MGLL: variants seen among roughly 807,000 people sequenced by gnomAD.
MGLL encodes monoglyceride lipase, also known as lysophospholipase homolog.
In MGLL, 7 loss-of-function variants were observed where a neutral mutation model predicts 29.1. That is an observed-to-expected ratio of 0.24 (90% CI 0.14 to 0.45). The LOEUF (loss-of-function observed/expected upper bound fraction) is 0.45. Ranked by LOEUF, MGLL falls within the 20% of genes least tolerant of loss-of-function variation. The probability of loss-of-function intolerance (pLI) is 0.99; values close to 1 mark genes in which losing one functional copy is unlikely to be tolerated. For missense variants in MGLL, 356 were observed against 413.6 expected (o/e 0.86, Z 1.21); for synonymous variants, 148 against 168.3 (o/e 0.88, Z 0.93).
chr3:127,703,918 C>T (rs1282394142), intron 6 of MGLL, among the ~76,000 whole-genome samples: 1 of 152,166 alleles, frequency 6.6e-6, no homozygotes, highest in Admixed American at 6.5e-5. Flanking sequence ...AAACGATGGG[C>T]CAGACAATCC....
intron 3 of MGLL, among the ~76,000 whole-genome samples, chr3:127,766,610 T>C (rs1433650389): frequency 6.6e-6 from 1 of 152,202 alleles, no homozygotes; most frequent in Non-Finnish European, 1.5e-5. Context: ...AAAAACAGCA[T>C]CAAAGAACTC....
intron 2 of MGLL, among the ~76,000 whole-genome samples, chr3:127,819,139 G>C (rs1476064639): frequency 6.6e-6 from 1 of 152,196 alleles, no homozygotes; most frequent in Admixed American, 6.5e-5. Context: ...GACAGAATTT[G>C]CTTGCATAAA....
chr3:127,816,720 G>C (rs574998125), intron 2 of MGLL, among the ~76,000 whole-genome samples: 4 of 152,354 alleles, frequency 2.6e-5, no homozygotes, highest in South Asian at 4.1e-4. Flanking sequence ...GAGAGTGAAG[G>C]CTTCATGGAG....
intron 2 of MGLL, among the ~76,000 whole-genome samples, chr3:127,794,674 C>A (rs978585917): frequency 2.6e-5 from 4 of 152,198 alleles, no homozygotes; most frequent in African/African-American, 4.8e-5. Flanking sequence ...GTCAAACTAT[C>A]TTCCACGATG....
intron 2 of MGLL, among the ~76,000 whole-genome samples, chr3:127,785,898 A>G (rs1254720494): frequency 6.6e-6 from 1 of 152,206 alleles, no homozygotes. Flanking sequence ...AAGGGAGCCC[A>G]ACCTAGACTA....
chr3:127,752,766 C>T (rs2076583628), intron 3 of MGLL, among the ~76,000 whole-genome samples: 1 of 152,170 alleles, frequency 6.6e-6, no homozygotes, highest in Admixed American at 6.5e-5. Flanking sequence ...ACCGGCTGAG[C>T]TTCCCCAGCC....
At chr3:127,751,262 T>A (rs1478923184) in intron 3 of MGLL, among the ~76,000 whole-genome samples, 1 of 152,130 alleles carries the variant, frequency 6.6e-6, no homozygotes, top group African/African-American at 2.4e-5. Flanking sequence ...CACCTGTCCA[T>A]GCCGCTCTGC....
intron 3 of MGLL, among the ~76,000 whole-genome samples, chr3:127,760,546 G>A (rs1289890380): frequency 2.0e-5 from 3 of 152,232 alleles, no homozygotes; most frequent in African/African-American, 7.2e-5. Context: ...GGCAGGAGGC[G>A]AGGTGAGGAG....
chr3:127,755,688 C>G (rs1220076135), intron 3 of MGLL, among the ~76,000 whole-genome samples: 1 of 152,236 alleles, frequency 6.6e-6, no homozygotes, highest in East Asian at 1.9e-4. Context: ...GGCAGAGTCA[C>G]CAAATCTTCG....
intron 3 of MGLL, among the ~76,000 whole-genome samples, chr3:127,758,902 T>C (rs2076710649): frequency 6.8e-6 from 1 of 147,332 alleles, no homozygotes; most frequent in Admixed American, 7.1e-5. Flanking sequence ...TTCTTTCTTT[T>C]TCTTTTTTTT....
intron 2 of MGLL, among the ~76,000 whole-genome samples, chr3:127,804,928 C>A (rs2077539881): frequency 6.6e-6 from 1 of 152,108 alleles, no homozygotes; most frequent in Admixed American, 6.5e-5. Flanking sequence ...GTGGGAGAAG[C>A]CTTTCCTCAC....
chr3:127,701,696 G>A (rs902559307), intron 6 of MGLL, among the ~76,000 whole-genome samples: 9 of 151,916 alleles, frequency 5.9e-5, no homozygotes, highest in Non-Finnish European at 1.2e-4. Flanking sequence ...ATCAACCCTC[G>A]GCTCAGCTGC....
chr3:127,750,553 G>C (rs766150743), intron 3 of MGLL, among the ~76,000 whole-genome samples: 1 of 151,940 alleles, frequency 6.6e-6, no homozygotes, highest in Non-Finnish European at 1.5e-5. Context: ...CAGGGCCCCT[G>C]GGACTCACAG....
rs2076923220 is a variant in MGLL, at chr3:127,769,988, C to T, written c.262+11801G>A. ...CCTTCCCCAGGCCGCTCTGCTGCAACAGCAATAAGGTGCCTCTCTTCATAA... is the reference window on the plus strand; with the variant it reads ...CCTTCCCCAGGCCGCTCTGCTGCAATAGCAATAAGGTGCCTCTCTTCATAA... On this transcript the variant is annotated intron_variant, in intron 3 of 7. Transcript: ENST00000265052. Among the ~76,000 whole-genome samples, 4 of 152,228 alleles carry T rather than the reference C, an allele frequency of 2.6e-5. No homozygotes were observed. In the South Asian group the frequency reaches 8.3e-4, roughly 31 times the overall value.
At chr3:127,742,594 A>AAAAT (rs1363556250) in intron 3 of MGLL, among the ~76,000 whole-genome samples, 1 of 150,784 alleles carries the variant, frequency 6.6e-6, no homozygotes, top group African/African-American at 2.4e-5. Context: ...CGTCCCAAAA[A>AAAAT]AAAAAAAAAA....
chr3:127,785,416 G>A (rs2077196073), intron 2 of MGLL, among the ~76,000 whole-genome samples: 1 of 152,252 alleles, frequency 6.6e-6, no homozygotes, highest in Non-Finnish European at 1.5e-5. Flanking sequence ...ATTCACCACT[G>A]GATGCTGGGC....
At chr3:127,789,530 TG>T (rs2077267321) in intron 2 of MGLL, among the ~76,000 whole-genome samples, 1 of 152,094 alleles carries the variant, frequency 6.6e-6, no homozygotes, top group Non-Finnish European at 1.5e-5. Flanking sequence ...GGCAACATGG[TG>T]AGACCCCATC....
chr3:127,805,257 G>A (rs915892148), intron 2 of MGLL, among the ~76,000 whole-genome samples: 4 of 152,196 alleles, frequency 2.6e-5, no homozygotes, highest in Admixed American at 6.5e-5. Flanking sequence ...AATGCCAAAC[G>A]GATGGCGATA....
At position 127,694,287 on chromosome 3, in the gene MGLL, ATATAT is replaced by A. The variant is rs1204523852; in HGVS notation, c.816+683_816+687del. On this transcript the variant is annotated intron_variant, in intron 7 of 7. Coordinates refer to ENST00000265052, the MANE Select transcript of MGLL (RefSeq NM_007283.7). Reference sequence around the variant, plus strand: ...TCTGTCTGAAAAAAAAAAAAAAAAAATATATATATATATATATATATGTATGTGTG... The same window carrying A: ...TCTGTCTGAAAAAAAAAAAAAAAAAAATATATATATATATATGTATGTGTG... Among the ~76,000 whole-genome samples the A allele has an allele frequency of 2.0e-3, 168 of 84,756 alleles. 5 individuals carry two copies. In the Middle Eastern group the frequency reaches 0.029, roughly 15 times the overall value. The allele number at this position is 84,756 out of a possible 152,430, so 55.6% of individuals were successfully genotyped here. A position where few individuals can be genotyped will look rare whatever the true frequency, so the allele number is the denominator to read the frequency against.
Sources: gnomAD v4.1 joint callset for allele counts (sites outside exome capture counted in the v4.1 genomes callset) on GRCh38, gnomAD v4.1.1 for gene constraint, MANE v1.5 for transcripts, NCBI Gene and HGNC (gene_info 2026-07-23, HGNC 2026-07-21) for gene names.